Variants in HEATR1 observed in about 807,000 individuals in gnomAD.
HEATR1 encodes the protein HEAT repeat-containing protein 1.
Under a neutral mutation model 248.2 loss-of-function variants are expected in HEATR1, and 77 were observed. The observed-to-expected ratio is 0.31, with a 90% CI of 0.26 to 0.37. The LOEUF is 0.37. Ranked by LOEUF, HEATR1 falls within the 10% of genes least tolerant of loss-of-function variation. The pLI, the probability that HEATR1 is intolerant of heterozygous loss-of-function variation, is 1.00. For missense variants in HEATR1, 2,420 were observed against 2,504.9 expected, an observed-to-expected ratio of 0.97 and a Z score of 0.72; for synonymous variants, 897 against 923.1, an observed-to-expected ratio of 0.97 and a Z score of 0.51.
chr1:236,581,232 T>C lies in HEATR1; in HGVS notation c.2745A>G (p.Ile915Met). The change falls in exon 20 of 45, where the codon ATA becomes ATG. Residue 915 changes from isoleucine (I) to methionine (M), a missense_variant. Ile to Met is a conservative substitution (Grantham distance 10, BLOSUM62 1). Coordinates refer to ENST00000366582, the MANE Select transcript of HEATR1 (RefSeq NM_018072.6). ...KTQCKHQLAS[I>M]SSPVVTSLLI... ...TGCTACTTTTAATACCTGGAGAAGA[T>C]ATGGATGCCAGTTGGTGTTTACACT... The C allele has an allele frequency of 3.1e-6, 5 of 1,612,586 alleles. No individual in the cohort carries two copies. The highest frequency in any genetic ancestry group is 4.2e-6 in the Non-Finnish European group (5 of 1,178,898).
At chr1:236,568,939 T>C in intron 29 of HEATR1, 57 bp downstream of exon 29, 1 of 1,230,670 alleles carries the variant, frequency 8.1e-7, no homozygotes, top group Non-Finnish European at 1.1e-6. Context: ...ATGTCATTTA[T>C]ATGCAAAATT....
rs141204709 is a variant in HEATR1 at position 236,578,593 on chromosome 1, T to C, written c.2756-1644A>G. Among the ~76,000 whole-genome samples, 388 of 152,360 alleles carry C rather than the reference T, an allele frequency of 2.5e-3. 8 individuals carry two copies. Among genetic ancestry groups the C allele is most frequent in the Admixed American group, 0.02 (301 of 15,306 alleles). ...GATACAGTCAATTATATTAACATAG[T>C]TCCCTTTACTGAACCAATTTTATAT... On this transcript the variant is annotated intron_variant, in intron 20 of 44. Transcript: ENST00000366582.
chr1:236,563,948 C>T (rs1378538441), intron 32 of HEATR1, among the ~76,000 whole-genome samples: 1 of 152,074 alleles, frequency 6.6e-6, no homozygotes, highest in Non-Finnish European at 1.5e-5. Flanking sequence ...GACCCTGTCT[C>T]TATAAAAAAA....
chr1:236,567,013 G>A (rs541251202), intron 29 of HEATR1, 137 bp from the exon 30 acceptor site: 2 of 626,586 alleles, frequency 3.2e-6, no homozygotes, highest in Admixed American at 2.8e-5. Context: ...TAGAGACAGG[G>A]TCTTTCTCCA....
At chr1:236,572,341 G>A (rs1193701901) in intron 26 of HEATR1, 70 bp downstream of exon 26, 9 of 1,463,138 alleles carry the variant, frequency 6.2e-6, no homozygotes, top group Non-Finnish European at 9.5e-7. Context: ...ATGTTGAAAA[G>A]AGAATGTTAG....
intron 20 of HEATR1, among the ~76,000 whole-genome samples, chr1:236,580,007 G>A (rs1663667455): frequency 6.6e-6 from 1 of 151,336 alleles, no homozygotes; most frequent in African/African-American, 2.4e-5. Context: ...CTATGCCTCT[G>A]ATATTAATAA....
chr1:236,574,603 C>A, intron 23 of HEATR1, 58 bp downstream of exon 23: 1 of 1,539,146 alleles, frequency 6.5e-7, no homozygotes, highest in Non-Finnish European at 8.8e-7. Flanking sequence ...TTCCTGTTGC[C>A]TTCTACCTTT....
Position 236,558,140 on chromosome 1 carries a change from G to C in HEATR1, c.5204+97C>G, listed in dbSNP as rs1311435145. On this transcript the variant is annotated intron_variant, in intron 36 of 44. Coordinates refer to ENST00000366582, the MANE Select transcript of HEATR1 (RefSeq NM_018072.6). ...TTAACAAATTCCAATTTTATGCAAC[G>C]TCTACTCAGAGGAAAAAAAAAAAAA... 1.6e-5 allele frequency: 20 copies of C among 1,284,838 alleles called. 1 individual carries two copies. In the South Asian group the frequency reaches 2.9e-4, roughly 19 times the overall value. The allele number at this position is 1,284,838 out of a possible 1,614,324, so 79.6% of individuals were successfully genotyped here. A position where few individuals can be genotyped will look rare whatever the true frequency, so the allele number is the denominator to read the frequency against.
In HEATR1 at chr1:236,554,584, T is replaced by C. The variant is rs1344424851; in HGVS notation, c.6078+14A>G. 4.4e-6 allele frequency: 7 copies of C among 1,608,770 alleles called. No individual in the cohort carries two copies. The highest frequency in any genetic ancestry group is 5.9e-6 in the Non-Finnish European group (7 of 1,178,538). On this transcript the variant is annotated intron_variant, in intron 42 of 44. Transcript: ENST00000366582. ...TGGCTTCCTCAGCAACGAAAGATGA[T>C]TCTGTTTGGTTACCTGATCCACCAG... is the stretch of plus-strand genomic sequence containing the variant.
At chr1:236,575,946 AC>A (rs1401447651) in intron 22 of HEATR1, among the ~76,000 whole-genome samples, 3 of 152,224 alleles carry the variant, frequency 2.0e-5, no homozygotes, top group Admixed American at 1.3e-4. Flanking sequence ...CCCATGAGAC[AC>A]GAGACTGTTA....
rs1664413017 is a variant in HEATR1, at chr1:236,604,256, G to A, written c.-32-129C>T. The A allele has an allele frequency of 7.7e-6, 5 of 646,930 alleles. No homozygotes were observed. The East Asian group carries it at 1.3e-4, about 17-fold the overall frequency. The allele number at this position is 646,930 out of a possible 1,614,324, so 40.1% of individuals were successfully genotyped here. On this transcript the variant is annotated intron_variant, in intron 1 of 44. Coordinates refer to ENST00000366582, the MANE Select transcript of HEATR1 (RefSeq NM_018072.6). ...GGGTGTCCTGAGATTTGTGGACCCC[G>A]GAGATGCAAAGACGATGGCAGCAGC...
At position 236,598,776 on chromosome 1, in the gene HEATR1, T is replaced by C. The variant is rs1664241545; in HGVS notation, c.501+707A>G. Among the ~76,000 whole-genome samples the C allele has an allele frequency of 2.0e-5, 3 of 152,160 alleles. No individual in the cohort carries two copies. In the South Asian group the frequency reaches 6.2e-4, roughly 32 times the overall value. Reference sequence around the variant, plus strand: ...AGCCTCGTGATCTGTTAGCTTACCTTCATCCCCATTTGCCTCCCCCCCTAC... The same window carrying C: ...AGCCTCGTGATCTGTTAGCTTACCTCCATCCCCATTTGCCTCCCCCCCTAC... On this transcript the variant is annotated intron_variant, in intron 4 of 44. Transcript: ENST00000366582.
intron 32 of HEATR1, among the ~76,000 whole-genome samples, chr1:236,562,042 T>C (rs539756343): frequency 1.3e-5 from 2 of 152,212 alleles, no homozygotes; most frequent in African/African-American, 2.4e-5. Context: ...TCTAAAGTGG[T>C]TGGAACAATC....
In HEATR1 at chr1:236,583,140, C is replaced by T; in HGVS notation, c.2298G>A (p.Glu766=). 6.2e-7 allele frequency: 1 copy of T among 1,613,968 alleles called. No homozygotes were observed. ...ELMLDRGIPV[E]LWAHYVEELN... ...GCTCTTCTACATAATGTGCCCACAG[C>T]TCCACTGGGATCCCTCTGTCTAACA... Residue 766 remains glutamate, a synonymous_variant, in exon 18 of 45, where the codon GAG becomes GAA. Coordinates refer to ENST00000366582, the MANE Select transcript of HEATR1 (RefSeq NM_018072.6).
At chr1:236,555,071 ATTTAC>A (rs1662922085) in intron 41 of HEATR1, among the ~76,000 whole-genome samples, 1 of 152,210 alleles carries the variant, frequency 6.6e-6, no homozygotes, top group Non-Finnish European at 1.5e-5. Context: ...AGTAACGGCC[ATTTAC>A]TTTATTCTTT....
chr1:236,558,369 G>C lies in HEATR1; in HGVS notation c.5072C>G (p.Pro1691Arg). 1 of 1,614,132 alleles carries C rather than the reference G, an allele frequency of 6.2e-7. No homozygotes were observed. Among genetic ancestry groups the C allele is most frequent in the Non-Finnish European group, 8.5e-7 (1 of 1,180,004 alleles). The change falls in exon 36 of 45, where the codon CCA becomes CGA. Residue 1691 changes from proline to arginine, a missense_variant. Coordinates refer to ENST00000366582, the MANE Select transcript of HEATR1 (RefSeq NM_018072.6). Reference sequence around the variant, plus strand: ...CAGTTTCACAGCAGTGTTCAGCACTGGGACAAAAGGATCTGGATTTTCTGC... The same window carrying C: ...CAGTTTCACAGCAGTGTTCAGCACTCGGACAAAAGGATCTGGATTTTCTGC... ...FGAENPDPFV[P>R]VLNTAVKLIA...
At chr1:236,568,872 C>T in intron 29 of HEATR1, 124 bp downstream of exon 29, 1 of 481,876 alleles carries the variant, frequency 2.1e-6, no homozygotes, top group African/African-American at 2.4e-5. Flanking sequence ...TTTTATACAA[C>T]TGTTGAGGAT....
rs181218623 is a variant in HEATR1, at chr1:236,552,145, G to A, written c.6238-38C>T. 71 of 1,342,870 alleles carry A rather than the reference G, an allele frequency of 5.3e-5. No individual in the cohort carries two copies. In the African/African-American group the frequency reaches 7.6e-4, roughly 14 times the overall value. 83.2% of individuals were successfully genotyped at this position (1,342,870 alleles called of 1,614,324 possible). A position where few individuals can be genotyped will look rare whatever the true frequency, so the allele number is the denominator to read the frequency against. ...AAAGAGCAAAGAAATAAAAAGTAGTGTTACTGTATTTATTATCTTAAGAGC... is the reference window on the plus strand; with the variant it reads ...AAAGAGCAAAGAAATAAAAAGTAGTATTACTGTATTTATTATCTTAAGAGC... On this transcript the variant is annotated intron_variant, in intron 43 of 44. Coordinates refer to ENST00000366582, the MANE Select transcript of HEATR1 (RefSeq NM_018072.6).
In HEATR1 at chr1:236,553,788, TTC is replaced by T. The variant is rs759318596; in HGVS notation, c.6079-51_6079-50del. Reference sequence around the variant, plus strand: ...TTGAACAACAAGTCTCATTTCTTTCTTCTGTTTGAAAAAATATCCAACATACA... The same window carrying T: ...TTGAACAACAAGTCTCATTTCTTTCTTGTTTGAAAAAATATCCAACATACA... On this transcript the variant is annotated intron_variant, in intron 42 of 44. Transcript: ENST00000366582. 3.2e-6 allele frequency: 5 copies of T among 1,552,208 alleles called. No individual in the cohort carries two copies. The African/African-American group carries it at 6.9e-5, about 21-fold the overall frequency.
Sources: allele counts gnomAD v4.1 joint callset (sites outside exome capture counted in the v4.1 genomes callset), GRCh38; gene constraint gnomAD v4.1.1; transcripts MANE v1.5; gene names NCBI Gene and HGNC (gene_info 2026-07-23, HGNC 2026-07-21).